The following TCF20 variants were observed in gnomAD, a reference collection of about 807,000 sequenced individuals.
TCF20 encodes the protein transcription factor 20.
In TCF20, 3 loss-of-function variants were observed where a neutral mutation model predicts 148.6. That is an observed-to-expected ratio of 0.02 (90% CI 0.01 to 0.05). TCF20 has a LOEUF of 0.05. Among genes scored for constraint, TCF20 ranks in the 10% least tolerant of loss-of-function variants. The probability of loss-of-function intolerance (pLI) is 1.00; values close to 1 mark genes in which losing one functional copy is unlikely to be tolerated. For missense variants in TCF20, 2,350 were observed against 2,429.3 expected, an observed-to-expected ratio of 0.97 and a Z score of 0.69; for synonymous variants, 1,049 against 909.5, an observed-to-expected ratio of 1.15 and a Z score of -2.76.
chr22:42,270,100 A>C (rs1926520739), intron 1 of TCF20: 1 of 150,452 alleles, frequency 6.6e-6, no homozygotes, highest in African/African-American at 2.5e-5. Flanking sequence ...GGCCCAAGAC[A>C]CCTTAGCCCT....
At chr22:42,221,739 GTTTT>G (rs59283483) in intron 1 of TCF20, among the ~76,000 whole-genome samples, 10 of 92,820 alleles carry the variant, frequency 1.1e-4, no homozygotes, top group African/African-American at 3.6e-4. Context: ...ATGGCAAAGG[GTTTT>G]TTTTTTTTTT....
rs1920975151 is a variant in TCF20, at chr22:42,211,732, A to G, written c.3574T>C (p.Ser1192Pro). 6.2e-7 allele frequency: 1 copy of G among 1,614,052 alleles called. No individual in the cohort carries two copies. The highest frequency in any genetic ancestry group is 8.5e-7 in the Non-Finnish European group (1 of 1,180,032). The change falls in exon 2 of 6, where the codon TCT becomes CCT. Residue 1192 changes from serine to proline, a missense_variant. This residue lies in a region of TCF20 where 1,641 missense variants were observed against 1,662.6 expected (regional missense o/e 0.99). Transcript: ENST00000677622. ...CTTTTGGCTGGAGAAGTTTGCCGAG[A>G]AAGATCCCAACAGGATTCTTGTAAC... The part of the protein sequence containing the change: ...QKLQESCWDL[S>P]RQTSPAKSSG...
At chr22:42,192,534 T>C (rs1410009866) in intron 2 of TCF20, among the ~76,000 whole-genome samples, 2 of 152,176 alleles carry the variant, frequency 1.3e-5, no homozygotes, top group Non-Finnish European at 2.9e-5. Context: ...AGGGGCAGCC[T>C]GACAGGACAG....
chr22:42,253,551 G>C (rs779193987), intron 1 of TCF20, among the ~76,000 whole-genome samples: 18 of 151,944 alleles, frequency 1.2e-4, no homozygotes, highest in Admixed American at 5.9e-4. Flanking sequence ...CTTAAATATA[G>C]GCGTATGAAA....
At chr22:42,197,569 G>A (rs183605374) in intron 2 of TCF20, among the ~76,000 whole-genome samples, 11 of 152,190 alleles carry the variant, frequency 7.2e-5, no homozygotes, top group African/African-American at 1.7e-4. Context: ...TGATCCGCCC[G>A]TCTCGGCCTG....
In TCF20 at chr22:42,216,073, C is replaced by G. The variant is rs559949024; in HGVS notation, c.-36-732G>C. On this transcript the variant is annotated intron_variant, in intron 1 of 5. Coordinates refer to ENST00000677622, the MANE Select transcript of TCF20 (RefSeq NM_001378418.1). Reference sequence around the variant, plus strand: ...GGAGGGGGTGTGGGGTAAGAAAAACCAAATCCTTTTTTTTTTTTTTTTTTT... The same window carrying G: ...GGAGGGGGTGTGGGGTAAGAAAAACGAAATCCTTTTTTTTTTTTTTTTTTT... Among the ~76,000 whole-genome samples the G allele has an allele frequency of 9.8e-3, 786 of 80,486 alleles. 12 individuals are homozygous for G. The highest frequency in any genetic ancestry group is 0.033 in the African/African-American group (741 of 22,560). 52.8% of individuals were successfully genotyped at this position (80,486 alleles called of 152,430 possible).
chr22:42,229,077 A>G (rs896521699), intron 1 of TCF20, among the ~76,000 whole-genome samples: 1 of 152,144 alleles, frequency 6.6e-6, no homozygotes, highest in Non-Finnish European at 1.5e-5. Context: ...CCCTGCAATC[A>G]CTCTATCATT....
chr22:42,177,337 T>C (rs1343711910), intron 3 of TCF20, among the ~76,000 whole-genome samples: 1 of 152,160 alleles, frequency 6.6e-6, no homozygotes, highest in African/African-American at 2.4e-5. Context: ...ATCACTTGAA[T>C]CTGGGAGGCA....
chr22:42,233,604 A>G (rs138251767), intron 1 of TCF20, among the ~76,000 whole-genome samples: 9 of 152,168 alleles, frequency 5.9e-5, no homozygotes, highest in South Asian at 2.1e-4. Flanking sequence ...CTACCCTTCT[A>G]TTTCCCCCAC....
chr22:42,235,073 C>T (rs567280132), intron 1 of TCF20, among the ~76,000 whole-genome samples: 2 of 146,744 alleles, frequency 1.4e-5, no homozygotes, highest in Admixed American at 7.1e-5. Context: ...GCCCAGGAGA[C>T]AGAAGTTGCA....
At chr22:42,310,664 A>C (rs1349551334) in intron 1 of TCF20, among the ~76,000 whole-genome samples, 1 of 152,182 alleles carries the variant, frequency 6.6e-6, no homozygotes, top group Admixed American at 6.5e-5. Flanking sequence ...AATGGAGTGC[A>C]AGGAGACAGG....
At position 42,283,568 on chromosome 22, in the gene TCF20, C is replaced by G. The variant is rs574054630; in HGVS notation, c.-37+259G>C. Among the ~76,000 whole-genome samples, 3 of 152,278 alleles carry G rather than the reference C, an allele frequency of 2.0e-5. 1 individual carries two copies. In the South Asian group the frequency reaches 6.2e-4, roughly 32 times the overall value. On this transcript the variant is annotated intron_variant, in intron 1 of 5. Coordinates refer to the TCF20 transcript ENST00000359486. ...GCACTGCTCTGAACATCCCCCGCCTCCCCGCCCTCCATCGCTCTTTATGGC... is the reference window on the plus strand; with the variant it reads ...GCACTGCTCTGAACATCCCCCGCCTGCCCGCCCTCCATCGCTCTTTATGGC...
chr22:42,334,330 GGTT>G (rs2147060371), intron 1 of TCF20, among the ~76,000 whole-genome samples: 1 of 152,316 alleles, frequency 6.6e-6, no homozygotes, highest in African/African-American at 2.4e-5. Flanking sequence ...GGCTCTAGGA[GGTT>G]TGGTGTCCCA....
In TCF20 at chr22:42,212,793, T is replaced by C. The variant is rs1453855040; in HGVS notation, c.2513A>G (p.Asp838Gly). ...APEMKQINLT[D>G]YPIPRKFEIE... ...TTCAAACTTTCTGGGAATTGGATAGTCAGTCAAATTGATCTGTTTCATTTC... is the reference window on the plus strand; with the variant it reads ...TTCAAACTTTCTGGGAATTGGATAGCCAGTCAAATTGATCTGTTTCATTTC... The change falls in exon 2 of 6, where the codon GAC becomes GGC. Residue 838 changes from aspartate (D) to glycine (G), a missense_variant. Coordinates refer to ENST00000677622, the MANE Select transcript of TCF20 (RefSeq NM_001378418.1). 6.2e-7 allele frequency: 1 copy of C among 1,614,122 alleles called. No homozygotes were observed. The highest frequency in any genetic ancestry group is 1.7e-5 in the Admixed American group (1 of 60,012).
intron 1 of TCF20, among the ~76,000 whole-genome samples, chr22:42,240,252 G>A (rs1258280536): frequency 2.0e-5 from 3 of 152,060 alleles, no homozygotes; most frequent in African/African-American, 4.8e-5. Flanking sequence ...AAAATCAGGC[G>A]ACTGGCTGCA....
intron 1 of TCF20, among the ~76,000 whole-genome samples, chr22:42,235,043 G>T (rs1279616270): frequency 6.6e-6 from 1 of 151,616 alleles, no homozygotes; most frequent in East Asian, 1.9e-4. Context: ...TCGGGAGGCT[G>T]AGGCAGGAGA....
rs1009401659 is a variant in TCF20, at chr22:42,209,666, T to G, written c.5640A>C (p.Glu1880Asp). Residue 1880 changes from glutamate (E) to aspartate (D), a missense_variant, in exon 2 of 6, where the codon GAA becomes GAC. Transcript: ENST00000677622. Reference sequence around the variant, plus strand: ...TCATACTCACCATCTCTCTGGCTATTTCCAGCGCTTCCTGCAGGCCATAGA... The same window carrying G: ...TCATACTCACCATCTCTCTGGCTATGTCCAGCGCTTCCTGCAGGCCATAGA... Reference protein sequence around the residue: ...GRLYGLQEALEIAREMKCSHC... With the variant: ...GRLYGLQEALDIAREMKCSHC... 2 of 1,608,790 alleles carry G rather than the reference T, an allele frequency of 1.2e-6. No individual in the cohort carries two copies. Among genetic ancestry groups the G allele is most frequent in the Middle Eastern group, 1.7e-4 (1 of 6,022 alleles).
rs1927262955 is a variant in TCF20, at chr22:42,297,807, C to T, written c.-37+45672G>A. Among the ~76,000 whole-genome samples, 1 of 152,194 alleles carries T rather than the reference C, an allele frequency of 6.6e-6. No individual in the cohort carries two copies. Among genetic ancestry groups the T allele is most frequent in the African/African-American group, 2.4e-5 (1 of 41,436 alleles). ...GCTGGGGCCCCTGTCAGGCAGGGCCCAGCATTCCTGGCTGATGGTGAGGAG... is the reference window on the plus strand; with the variant it reads ...GCTGGGGCCCCTGTCAGGCAGGGCCTAGCATTCCTGGCTGATGGTGAGGAG... On this transcript the variant is annotated intron_variant, in intron 1 of 1. Transcript: ENST00000515426. The surrounding 1 kb of genome is among the most constrained non-coding windows in gnomAD (Gnocchi z 4.3).
rs193196611 is a variant in TCF20 at position 42,331,174 on chromosome 22, C to T, written c.-37+12305G>A. Among the ~76,000 whole-genome samples the T allele has an allele frequency of 3.1e-3, 469 of 152,320 alleles. 5 individuals carry two copies. Among genetic ancestry groups the T allele is most frequent in the Non-Finnish European group, 4.9e-3 (331 of 68,018 alleles). The stretch of plus-strand genomic sequence containing the variant: ...TCACGGGCTCCCCTCCCGGCAGCGC[C>T]GCGGAGCGCGACTGTCAACCTGAAC... On this transcript the variant is annotated intron_variant, in intron 1 of 1. Transcript: ENST00000515426.
Sources: gnomAD v4.1 joint callset for allele counts (sites outside exome capture counted in the v4.1 genomes callset) on GRCh38, gnomAD v4.1.1 for gene constraint, gnomAD v4.1.1 regional missense constraint, Gnocchi (gnomAD v3.1) non-coding constraint, MANE v1.5 for transcripts, NCBI Gene and HGNC (gene_info 2026-07-23, HGNC 2026-07-21) for gene names.